Variants in DSPP observed in about 807,000 individuals in gnomAD.
DSPP encodes deafness, autosomal dominant 39.
A neutral mutation model predicts 29.1 loss-of-function variants in DSPP; 28 were observed. The ratio of observed to expected loss-of-function variants is 0.96; its 90% CI spans 0.71 to 1.32. The LOEUF is 1.32. Among genes scored for constraint, DSPP ranks in the 40% most tolerant of loss-of-function variants. The probability of loss-of-function intolerance (pLI) is 0.00; values close to 1 mark genes in which losing one functional copy is unlikely to be tolerated. For synonymous variants in DSPP, 481 were observed against 503.4 expected, an observed-to-expected ratio of 0.96 and a Z score of 0.60; for missense variants, 1,281 against 1,629.9, an observed-to-expected ratio of 0.79 and a Z score of 3.69.
At chr4:87,613,706 C>G in intron 4 of DSPP, 79 bp from the exon 5 acceptor site, 1 of 1,600,494 alleles carries the variant, frequency 6.2e-7, no homozygotes, top group African/African-American at 1.3e-5. Flanking sequence ...CAACTTTTCC[C>G]AGTTATTCTT....
intron 2 of DSPP, among the ~76,000 whole-genome samples, chr4:87,611,550 T>G (rs1727735368): frequency 6.6e-6 from 1 of 152,196 alleles, no homozygotes; most frequent in Non-Finnish European, 1.5e-5. Context: ...CCAGCCATCA[T>G]GTTTAACATT....
rs1727882780 is a variant in DSPP, at chr4:87,615,711, AATAGTAGTG to A, written c.3051_3059del (p.Asp1020_Ser1022del). On this transcript the variant is annotated inframe_deletion, in exon 5 of 5. Coordinates refer to ENST00000651931, the MANE Select transcript of DSPP (RefSeq NM_014208.3). ...CAGCAGTGACAGCAGTGATAGCAGT[AATAGTAGTG>A]ACAGCAGCAATAGCAGTGACAGCAG... 1 of 1,386,026 alleles carries A rather than the reference AATAGTAGTG, an allele frequency of 7.2e-7. No homozygotes were observed. 85.9% of individuals were successfully genotyped at this position (1,386,026 alleles called of 1,614,324 possible). A position where few individuals can be genotyped will look rare whatever the true frequency, so the allele number is the denominator to read the frequency against.
Position 87,610,654 on chromosome 4 carries a change from C to T in DSPP, c.-28-227C>T, listed in dbSNP as rs116821108. 0.013 allele frequency among the ~76,000 whole-genome samples: 1,911 copies of T among 152,210 alleles called. 44 individuals carry two copies. The highest frequency in any genetic ancestry group is 0.044 in the African/African-American group (1,817 of 41,536). On this transcript the variant is annotated intron_variant, in intron 1 of 4. Transcript: ENST00000651931. The stretch of plus-strand genomic sequence containing the variant: ...CCCTTTGTACCTATTATGGCGTTTT[C>T]CTTCATTGGCACAGGCAGAAAAAAA...
chr4:87,613,122 T>C lies in DSPP; in HGVS notation c.936T>C (p.Asp312=), dbSNP rs1425353568. 6.2e-7 allele frequency: 1 copy of C among 1,614,054 alleles called. No homozygotes were observed. Among genetic ancestry groups the C allele is most frequent in the East Asian group, 2.2e-5 (1 of 44,870 alleles). Residue 312 remains aspartate, a synonymous_variant, in exon 4 of 5, where the codon GAT becomes GAC. Transcript: ENST00000651931. Reference sequence around the variant, plus strand: ...ATTATGACCCTGAAGGCAAAGAAGATCCCCATAATGAAGTTGATGGAGACA... The same window carrying C: ...ATTATGACCCTGAAGGCAAAGAAGACCCCCATAATGAAGTTGATGGAGACA... ...KEYYDPEGKE[D]PHNEVDGDKT...
chr4:87,616,594 C>T lies in DSPP; in HGVS notation c.*26C>T. ...AACAAAAGAAAAACCCGTAAGATTC[C>T]TTTTGTGAAAAGTTTGGTAATGGGA... On this transcript the variant is annotated 3_prime_UTR_variant, in exon 5 of 5. Transcript: ENST00000651931. 6.4e-7 allele frequency: 1 copy of T among 1,551,602 alleles called. No individual in the cohort carries two copies. The highest frequency in any genetic ancestry group is 1.2e-5 in the South Asian group (1 of 84,046).
chr4:87,614,555 C>G lies in DSPP; in HGVS notation c.1893C>G (p.Ser631Arg). The change falls in exon 5 of 5, where the codon AGC becomes AGG. Residue 631 changes from serine to arginine, a missense_variant. Physicochemically the swap from Ser to Arg is moderately radical, Grantham distance 110. Transcript: ENST00000651931. ...AGTCAGACAGCAGCAAATCAGAGAG[C>G]GACAGCAGTGATAGTGACAGTAAGT... ...DSKSDSSKSESDSSDSDSKSD... is the reference protein window; with the variant it reads ...DSKSDSSKSERDSSDSDSKSD... The G allele has an allele frequency of 6.4e-7, 1 of 1,550,748 alleles. No individual in the cohort carries two copies. The highest frequency in any genetic ancestry group is 2.0e-5 in the Admixed American group (1 of 50,942).
In DSPP at chr4:87,616,101, AGCAGTGAAAGCAGCG is replaced by A; in HGVS notation, c.3440_3454del (p.Ser1147_Asp1152delinsAsn). 2.0e-6 allele frequency: 3 copies of A among 1,512,748 alleles called. No individual in the cohort carries two copies. The highest frequency in any genetic ancestry group is 2.1e-5 in the Admixed American group (1 of 48,174). 93.7% of individuals were successfully genotyped at this position (1,512,748 alleles called of 1,614,324 possible). ...CAGCAACAGCAGTGACAGCAGTGAC[AGCAGTGAAAGCAGCG>A]ACAGCAGTGACAGCAGCGACAGCAG... On this transcript the variant is annotated inframe_deletion, in exon 5 of 5. Transcript: ENST00000651931.
Position 87,614,447 on chromosome 4 carries a change from T to C in DSPP, c.1785T>C (p.Ser595=). Residue 595 remains serine, a synonymous_variant, in exon 5 of 5, where the codon AGT becomes AGC. Coordinates refer to ENST00000651931, the MANE Select transcript of DSPP (RefSeq NM_014208.3). ...GCAGTGATAGCAGTGACAGTGATAG[T>C]AGTGATAGCAGCAATAGCAGTGACA... ...SDSSDSSDSD[S]SDSSNSSDSS... is the part of the protein sequence containing the mutation. The C allele has an allele frequency of 6.4e-7, 1 of 1,552,608 alleles. No homozygotes were observed. Among genetic ancestry groups the C allele is most frequent in the Non-Finnish European group, 8.7e-7 (1 of 1,147,806 alleles).
intron 4 of DSPP, among the ~76,000 whole-genome samples, 162 bp downstream of exon 4, chr4:87,613,470 A>G (rs979884146): frequency 7.9e-5 from 12 of 152,358 alleles, no homozygotes; most frequent in Admixed American, 4.6e-4. Context: ...ACTTCGAGAT[A>G]GAACAACTTT....
chr4:87,614,628 A>T lies in DSPP; in HGVS notation c.1966A>T (p.Ser656Cys). Residue 656 changes from serine to cysteine, a missense_variant, in exon 5 of 5, where the codon AGC becomes TGC. By Grantham distance (112) the Ser-to-Cys change is moderately radical. Coordinates refer to ENST00000651931, the MANE Select transcript of DSPP (RefSeq NM_014208.3). ...CAGTGACAGTAGTGACAACAGTGAT[A>T]GCAGCGACAGCAGCAATAGCAGTAA... ...NSSDSSDNSDSSDSSNSSNSS... is the reference protein window; with the variant it reads ...NSSDSSDNSDCSDSSNSSNSS... The T allele has an allele frequency of 1.3e-6, 2 of 1,545,390 alleles. No individual in the cohort carries two copies. The highest frequency in any genetic ancestry group is 2.4e-5 in the South Asian group (2 of 83,760).
chr4:87,608,666 G>A (rs1727679999), intron 1 of DSPP, 46 bp downstream of exon 1: 1 of 152,172 alleles, frequency 6.6e-6, no homozygotes, highest in Non-Finnish European at 1.5e-5. Flanking sequence ...GATTCATTTA[G>A]AAAGAACTTT....
At chr4:87,610,201 G>C (rs1727708633) in intron 1 of DSPP, among the ~76,000 whole-genome samples, 2 of 152,118 alleles carry the variant, frequency 1.3e-5, no homozygotes, top group South Asian at 4.1e-4. Flanking sequence ...AAACTTCCTT[G>C]GTATAAAAAG....
Position 87,614,855 on chromosome 4 carries a change from C to T in DSPP, c.2193C>T (p.Ser731=), listed in dbSNP as rs1384592055. Reference sequence around the variant, plus strand: ...GCAGCGATAGTGACAGCAGCAACAGCAGCGATAGCAGTGACAGCAGCAACA... The same window carrying T: ...GCAGCGATAGTGACAGCAGCAACAGTAGCGATAGCAGTGACAGCAGCAACA... The part of the protein sequence containing the change: ...SNSSDSDSSN[S]SDSSDSSNSS... Residue 731 remains serine (S), a synonymous_variant, in exon 5 of 5, where the codon AGC becomes AGT. Coordinates refer to ENST00000651931, the MANE Select transcript of DSPP (RefSeq NM_014208.3). 1 of 1,551,040 alleles carries T rather than the reference C, an allele frequency of 6.4e-7. No homozygotes were observed. Among genetic ancestry groups the T allele is most frequent in the Non-Finnish European group, 8.7e-7 (1 of 1,146,712 alleles).
intron 1 of DSPP, among the ~76,000 whole-genome samples, chr4:87,608,974 T>G (rs1156366600): frequency 6.6e-6 from 1 of 152,250 alleles, no homozygotes; most frequent in East Asian, 1.9e-4. Flanking sequence ...AATTAGGCTT[T>G]GCTTTTTAGT....
intron 2 of DSPP, 101 bp downstream of exon 2, chr4:87,611,060 T>C (rs1727725705): frequency 1.2e-5 from 14 of 1,147,260 alleles, no homozygotes; most frequent in Non-Finnish European, 1.8e-5. Context: ...TGTGTGTGTG[T>C]GTGCATGTAC....
At position 87,614,429 on chromosome 4, in the gene DSPP, T is replaced by A; in HGVS notation, c.1767T>A (p.Asp589Glu). ...ACAGCAGTGACAGTGACAGCAGTGA[T>A]AGCAGTGACAGTGATAGTAGTGATA... ...DSDSSDSDSSDSSDSDSSDSS... is the reference protein window; with the variant it reads ...DSDSSDSDSSESSDSDSSDSS... The change falls in exon 5 of 5, where the codon GAT (aspartate) becomes GAA (glutamate). Residue 589 changes from aspartate to glutamate, a missense_variant. This residue lies in a region of DSPP where 444 missense variants were observed against 611.4 expected (regional missense o/e 0.73). Coordinates refer to ENST00000651931, the MANE Select transcript of DSPP (RefSeq NM_014208.3). 6.4e-7 allele frequency: 1 copy of A among 1,555,522 alleles called. No individual in the cohort carries two copies. The highest frequency in any genetic ancestry group is 1.2e-5 in the South Asian group (1 of 84,576).
At position 87,613,299 on chromosome 4, in the gene DSPP, C is replaced by T. The variant is rs760660480; in HGVS notation, c.1113C>T (p.Ser371=). ...KESETHAVGK[S]QDKGIEIKGP... is the part of the protein sequence containing the mutation. ...CAGAGACACATGCTGTTGGGAAGAG[C>T]CAAGATAAGGTTAGTTTGTAAAGCT... The change falls in exon 4 of 5, where the codon AGC becomes AGT. Residue 371 remains serine, a synonymous_variant. Transcript: ENST00000651931. The T allele has an allele frequency of 2.5e-6, 4 of 1,613,070 alleles. No homozygotes were observed. Among genetic ancestry groups the T allele is most frequent in the Non-Finnish European group, 3.4e-6 (4 of 1,179,968 alleles).
rs755465149 is a variant in DSPP, at chr4:87,613,916, A to G, written c.1254A>G (p.Gly418=). The part of the protein sequence containing the change: ...ILGKGNVKTQ[G]EVVNIEGPGQ... ...GCAAAGGCAATGTCAAGACACAAGG[A>G]GAGGTTGTCAACATAGAAGGACCTG... The change falls in exon 5 of 5, where the codon GGA becomes GGG. Residue 418 remains glycine, a synonymous_variant. Transcript: ENST00000651931. 2.9e-5 allele frequency: 47 copies of G among 1,614,120 alleles called. No individual in the cohort carries two copies. In the Admixed American group the frequency reaches 7.5e-4, roughly 26 times the overall value.
intron 1 of DSPP, among the ~76,000 whole-genome samples, chr4:87,608,973 T>C (rs1727685357): frequency 1.3e-5 from 2 of 152,212 alleles, no homozygotes; most frequent in South Asian, 4.1e-4. Flanking sequence ...CAATTAGGCT[T>C]TGCTTTTTAG....
Sources: allele counts gnomAD v4.1 joint callset (sites outside exome capture counted in the v4.1 genomes callset), GRCh38; gene constraint gnomAD v4.1.1; regional missense constraint gnomAD v4.1.1; transcripts MANE v1.5; gene names NCBI Gene and HGNC (gene_info 2026-07-23, HGNC 2026-07-21).